The following IL1RAPL2 variants were observed in gnomAD, a reference collection of about 807,000 sequenced individuals.
The protein encoded by IL1RAPL2 is interleukin 1 receptor accessory protein like 2, also known as X-linked interleukin-1 receptor accessory protein-like 2.
IL1RAPL2 carries 3 observed loss-of-function variants against 44.1 expected under a neutral mutation model. The observed-to-expected ratio is 0.07, with a 90% CI of 0.03 to 0.18. IL1RAPL2 has a LOEUF of 0.18. IL1RAPL2 is among the 10% of genes least tolerant of loss of function. The pLI, the probability that IL1RAPL2 is intolerant of heterozygous loss-of-function variation, is 1.00. For synonymous variants in IL1RAPL2, 181 were observed against 178.8 expected (o/e 1.01, Z -0.10); for missense variants, 391 against 496.4 (o/e 0.79, Z 2.02).
chrX:104,605,674 G>C (rs1928992808), intron 1 of IL1RAPL2, among the ~76,000 whole-genome samples: 1 of 112,108 alleles, frequency 8.9e-6, no homozygotes, highest in Non-Finnish European at 1.9e-5. Flanking sequence ...ACTACCATTA[G>C]AGAATACTAT....
intron 6 of IL1RAPL2, among the ~76,000 whole-genome samples, chrX:105,557,812 G>GA (rs920865973): frequency 9.0e-6 from 1 of 110,778 alleles, no homozygotes. Context: ...CATGACAGTA[G>GA]AAAAAAAATG....
At chrX:104,892,138 A>T (rs1425124899) in intron 2 of IL1RAPL2, among the ~76,000 whole-genome samples, 2 of 111,509 alleles carry the variant, frequency 1.8e-5, no homozygotes, top group African/African-American at 3.3e-5. Flanking sequence ...CATCCCAGGG[A>T]TGAAGCCCAC....
chrX:104,791,491 C>A (rs139601578), intron 2 of IL1RAPL2, among the ~76,000 whole-genome samples: 188 of 111,771 alleles, frequency 1.7e-3, no homozygotes, highest in Non-Finnish European at 2.7e-3. Flanking sequence ...GATATAGATA[C>A]ACTTATGTTT....
chrX:105,255,866 G>A (rs2034310024), intron 4 of IL1RAPL2, among the ~76,000 whole-genome samples: 1 of 111,793 alleles, frequency 8.9e-6, no homozygotes, highest in Admixed American at 9.5e-5. Flanking sequence ...ACATGAAGGG[G>A]TGTTGAATTT....
At chrX:105,391,252 G>T (rs1315810529) in intron 5 of IL1RAPL2, among the ~76,000 whole-genome samples, 1 of 111,513 alleles carries the variant, frequency 9.0e-6, no homozygotes, top group Non-Finnish European at 1.9e-5. Flanking sequence ...GCATAACTTT[G>T]GTTTATTTAA....
chrX:105,715,756 T>C (rs926772661), intron 6 of IL1RAPL2, among the ~76,000 whole-genome samples: 2 of 111,408 alleles, frequency 1.8e-5, no homozygotes, highest in Non-Finnish European at 3.8e-5. Flanking sequence ...CTGAAATCTA[T>C]GAAATGGGGC....
intron 2 of IL1RAPL2, among the ~76,000 whole-genome samples, chrX:104,781,840 C>A (rs767587461): frequency 1.8e-4 from 20 of 111,547 alleles, no homozygotes; most frequent in Non-Finnish European, 3.8e-4. Context: ...TGGTTTTCCC[C>A]CGAAATTCAC....
chrX:104,721,550 C>A (rs894070232), intron 2 of IL1RAPL2, among the ~76,000 whole-genome samples: 1 of 110,385 alleles, frequency 9.1e-6, no homozygotes, highest in South Asian at 3.9e-4. Context: ...GGAGAGAGAG[C>A]ATCAGGATAA....
At chrX:105,191,139 A>G (rs1569400544) in intron 2 of IL1RAPL2, among the ~76,000 whole-genome samples, 1 of 112,840 alleles carries the variant, frequency 8.9e-6, no homozygotes, top group Non-Finnish European at 1.9e-5. Context: ...TAAAATAGAG[A>G]TACGAGTTTT....
intron 2 of IL1RAPL2, among the ~76,000 whole-genome samples, chrX:105,183,051 C>T (rs2033548788): frequency 9.0e-6 from 1 of 111,046 alleles, no homozygotes; most frequent in African/African-American, 3.3e-5. Flanking sequence ...ATGGCATCCT[C>T]GGCACTGTGG....
intron 2 of IL1RAPL2, among the ~76,000 whole-genome samples, chrX:105,172,293 CAG>C (rs986346745): frequency 2.7e-5 from 3 of 112,529 alleles, no homozygotes; most frequent in African/African-American, 9.7e-5. Context: ...ACTGCCATAA[CAG>C]ATTATCACAA....
intron 1 of IL1RAPL2, among the ~76,000 whole-genome samples, chrX:104,581,384 A>G (rs1928342538): frequency 8.9e-6 from 1 of 112,242 alleles, no homozygotes; most frequent in African/African-American, 3.2e-5. Flanking sequence ...GAGCAGAATT[A>G]GATTAAATCT....
intron 6 of IL1RAPL2, among the ~76,000 whole-genome samples, chrX:105,672,122 C>A (rs994195702): frequency 1.8e-5 from 2 of 111,480 alleles, no homozygotes; most frequent in Non-Finnish European, 3.8e-5. Flanking sequence ...TAAATAATTG[C>A]CACATAATTT....
At chrX:104,643,231 G>A (rs1289532055) in intron 1 of IL1RAPL2, among the ~76,000 whole-genome samples, 2 of 111,544 alleles carry the variant, frequency 1.8e-5, no homozygotes, top group African/African-American at 6.5e-5. Flanking sequence ...TTTTTTGAAG[G>A]CTTTAAGAAA....
At chrX:104,860,627 G>A (rs1397655503) in intron 2 of IL1RAPL2, among the ~76,000 whole-genome samples, 1 of 110,469 alleles carries the variant, frequency 9.1e-6, no homozygotes, top group Admixed American at 9.7e-5. Context: ...AACCAGTTGA[G>A]CATCCCTAAT....
At chrX:105,653,711 G>GTAATACTTTATC (rs2037657304) in intron 6 of IL1RAPL2, among the ~76,000 whole-genome samples, 1 of 111,248 alleles carries the variant, frequency 9.0e-6, no homozygotes, top group Non-Finnish European at 1.9e-5. Flanking sequence ...CTCATATGAA[G>GTAATACTTTATC]TTTAACTTGA....
intron 6 of IL1RAPL2, among the ~76,000 whole-genome samples, chrX:105,571,607 G>A (rs371498100): frequency 9.0e-6 from 1 of 110,899 alleles, no homozygotes; most frequent in Non-Finnish European, 1.9e-5. Context: ...TATTATGGTT[G>A]ATAATCTCAT....
rs181112170 is a variant in IL1RAPL2, at chrX:104,647,988, C to T, written c.-19-10907C>T. On this transcript the variant is annotated intron_variant, in intron 1 of 10. Transcript: ENST00000372582. ...CCAAACTTGCCAATGGACACAAACACTTTGGCAGCCATGTTTTCTTCTGCT... is the reference window on the plus strand; with the variant it reads ...CCAAACTTGCCAATGGACACAAACATTTTGGCAGCCATGTTTTCTTCTGCT... The T allele has an allele frequency of 8.1e-4, 654 of 810,612 alleles. 2 individuals carry two copies. The African/African-American group carries it at 0.012, about 14-fold the overall frequency. 66.8% of individuals were successfully genotyped at this position (810,612 alleles called of 1,213,427 possible). A position where few individuals can be genotyped will look rare whatever the true frequency, so the allele number is the denominator to read the frequency against.
At position 104,932,628 on chromosome X, in the gene IL1RAPL2, T is replaced by C. The variant is rs755542511; in HGVS notation, c.83-262847T>C. On this transcript the variant is annotated intron_variant, in intron 2 of 10. Transcript: ENST00000372582. Reference sequence around the variant, plus strand: ...ATGGGCTGAGGATGTACATGTACCATGGCCTTCACATGCCCTTCAGGAGAA... The same window carrying C: ...ATGGGCTGAGGATGTACATGTACCACGGCCTTCACATGCCCTTCAGGAGAA... 1.5e-3 allele frequency among the ~76,000 whole-genome samples: 165 copies of C among 112,312 alleles called. 1 individual carries two copies. Among genetic ancestry groups the C allele is most frequent in the Non-Finnish European group, 2.1e-3 (112 of 53,298 alleles).
Sources: allele counts gnomAD v4.1 joint callset (sites outside exome capture counted in the v4.1 genomes callset), GRCh38; gene constraint gnomAD v4.1.1; transcripts MANE v1.5; gene names NCBI Gene and HGNC (gene_info 2026-07-23, HGNC 2026-07-21).